The following PARD3B variants were observed in gnomAD, a reference collection of about 807,000 sequenced individuals.
The protein encoded by PARD3B is partitioning defective 3 homolog B.
Under a neutral mutation model 130.2 loss-of-function variants are expected in PARD3B, and 103 were observed. The ratio of observed to expected loss-of-function variants is 0.79; its 90% CI spans 0.67 to 0.93. The LOEUF is 0.93. Ranked by LOEUF, PARD3B falls within the 40% of genes least tolerant of loss-of-function variation. PARD3B has a pLI of 0.00. For synonymous variants in PARD3B, 583 were observed against 553.2 expected (o/e 1.05, Z -0.76); for missense variants, 1,609 against 1,499.2 (o/e 1.07, Z -1.21).
At chr2:205,165,794 G>A (rs2034780510) in intron 11 of PARD3B, among the ~76,000 whole-genome samples, 1 of 151,930 alleles carries the variant, frequency 6.6e-6, no homozygotes, top group Admixed American at 6.6e-5. Context: ...GCCCACAGGT[G>A]ATTTGCTGCT....
chr2:205,397,532 T>C lies in PARD3B; in HGVS notation c.2631-3481T>C, dbSNP rs530521495. On this transcript the variant is annotated intron_variant, in intron 18 of 22. Coordinates refer to ENST00000406610, the MANE Select transcript of PARD3B (RefSeq NM_001302769.2). The surrounding 1 kb of genome is among the most constrained non-coding windows in gnomAD (Gnocchi z 4.8). ...AGCTACCAGAAACAAAAATAATTTA[T>C]TGGGTGTGGTAATAAACATCAAGGT... is the stretch of plus-strand genomic sequence containing the variant. Among the ~76,000 whole-genome samples, 30 of 152,304 alleles carry C rather than the reference T, an allele frequency of 2.0e-4. No homozygotes were observed. In the South Asian group the frequency reaches 6.2e-3, roughly 32 times the overall value.
In PARD3B at chr2:204,975,856, GA is replaced by G. The variant is rs540872754; in HGVS notation, c.394+10537del. ...GAGAAGGAGCAACTTGGCCATCTTGGAAAATGGTCTTTGAGAAGTTTGGAGA... is the reference window on the plus strand; with the variant it reads ...GAGAAGGAGCAACTTGGCCATCTTGGAAATGGTCTTTGAGAAGTTTGGAGA... On this transcript the variant is annotated intron_variant, in intron 3 of 22. Transcript: ENST00000406610. Among the ~76,000 whole-genome samples the G allele has an allele frequency of 2.3e-4, 35 of 152,288 alleles. 1 individual carries two copies. Among genetic ancestry groups the G allele is most frequent in the Middle Eastern group, 6.8e-3 (2 of 294 alleles).
At position 205,589,590 on chromosome 2, in the gene PARD3B, G is replaced by A. The variant is rs919883183; in HGVS notation, c.3261-25866G>A. 1.3e-5 allele frequency among the ~76,000 whole-genome samples: 2 copies of A among 152,110 alleles called. No homozygotes were observed. The highest frequency in any genetic ancestry group is 3.9e-4 in the East Asian group (2 of 5,184). On this transcript the variant is annotated intron_variant, in intron 22 of 22. Coordinates refer to ENST00000406610, the MANE Select transcript of PARD3B (RefSeq NM_001302769.2). The surrounding 1 kb of genome is among the most constrained non-coding windows in gnomAD (Gnocchi z 4.1). The stretch of plus-strand genomic sequence containing the variant: ...TACCTTCCTTTTTATTTACTCCCTT[G>A]GGTCTGAGCAGGCAAGACTTGTCTT...
intron 19 of PARD3B, among the ~76,000 whole-genome samples, chr2:205,419,757 C>A (rs2046903489): frequency 6.6e-6 from 1 of 152,148 alleles, no homozygotes; most frequent in Admixed American, 6.5e-5. Context: ...CTTCCCAGTG[C>A]CAGGCACATA....
rs559742651 is a variant in PARD3B, at chr2:204,974,308, A to G, written c.394+8985A>G. Among the ~76,000 whole-genome samples, 8 of 152,222 alleles carry G rather than the reference A, an allele frequency of 5.3e-5. No homozygotes were observed. The East Asian group carries it at 1.5e-3, about 29-fold the overall frequency. On this transcript the variant is annotated intron_variant, in intron 3 of 22. Coordinates refer to ENST00000406610, the MANE Select transcript of PARD3B (RefSeq NM_001302769.2). The stretch of plus-strand genomic sequence containing the variant: ...AGACTTGACTATGGTTATGTAATGT[A>G]TGTTTGTAGAATACGGTGTGATCGG...
chr2:205,069,348 TA>T (rs1208930771), intron 4 of PARD3B, among the ~76,000 whole-genome samples: 3 of 152,100 alleles, frequency 2.0e-5, no homozygotes, highest in Admixed American at 6.6e-5. Context: ...ATGTCTGTTA[TA>T]AGGGGCATAT....
intron 3 of PARD3B, among the ~76,000 whole-genome samples, chr2:204,996,340 G>C (rs1041320449): frequency 6.6e-6 from 1 of 151,910 alleles, no homozygotes; most frequent in Non-Finnish European, 1.5e-5. Context: ...ATACCCTCCC[G>C]TGTGAGGTGT....
chr2:205,145,424 A>G (rs563090449), intron 10 of PARD3B, among the ~76,000 whole-genome samples: 10 of 152,364 alleles, frequency 6.6e-5, no homozygotes, highest in Non-Finnish European at 1.0e-4. Flanking sequence ...AAATTTCAGA[A>G]CGTACCTGCT....
At chr2:205,220,720 C>T (rs753364629) in intron 15 of PARD3B, among the ~76,000 whole-genome samples, 14 of 152,024 alleles carry the variant, frequency 9.2e-5, no homozygotes, top group South Asian at 2.1e-4. Flanking sequence ...CATAGGGTGG[C>T]GATGGGAGGA....
At chr2:205,484,031 G>A (rs535596961) in intron 20 of PARD3B, among the ~76,000 whole-genome samples, 2 of 152,092 alleles carry the variant, frequency 1.3e-5, no homozygotes, top group Non-Finnish European at 2.9e-5. Context: ...TGACATCTGA[G>A]TGACTACACT....
rs537724862 is a variant in PARD3B, at chr2:205,026,299, G to T, written c.395-21282G>T. ...GAAAGATAGAGAGCCAAGGAGGCCA[G>T]GGTGGCTGCAGTGTAGTGGGTGGGC... is the stretch of plus-strand genomic sequence containing the variant. On this transcript the variant is annotated intron_variant, in intron 3 of 22. Transcript: ENST00000406610. Among the ~76,000 whole-genome samples the T allele has an allele frequency of 5.3e-5, 8 of 152,324 alleles. No individual in the cohort carries two copies. In the South Asian group the frequency reaches 1.7e-3, roughly 32 times the overall value.
chr2:205,117,916 T>TAC (rs745919031), intron 6 of PARD3B, among the ~76,000 whole-genome samples: 493 of 20,428 alleles, frequency 0.024, no homozygotes, highest in Admixed American at 0.045. Context: ...TGTATGTGTG[T>TAC]ACACACACAC....
intron 1 of PARD3B, among the ~76,000 whole-genome samples, chr2:204,599,219 T>C (rs2033414649): frequency 6.6e-6 from 1 of 151,982 alleles, no homozygotes; most frequent in Non-Finnish European, 1.5e-5. Flanking sequence ...CTTTTCTAGC[T>C]ATTTGAAAAT....
intron 2 of PARD3B, among the ~76,000 whole-genome samples, chr2:204,710,399 C>T (rs896262734): frequency 2.6e-5 from 4 of 152,184 alleles, no homozygotes; most frequent in Admixed American, 6.5e-5. Context: ...TGTTAAAGTA[C>T]GTTTAAATTC....
rs2047048145 is a variant in PARD3B at position 204,906,507 on chromosome 2, G to A, written c.223-58645G>A. ...GCAGTAGACCTTATTATTAACTAGA[G>A]AACACATGGTGTTTGGACTGTTATT... On this transcript the variant is annotated intron_variant, in intron 2 of 22. Coordinates refer to ENST00000406610, the MANE Select transcript of PARD3B (RefSeq NM_001302769.2). This position sits in a 1 kb window ranked among gnomAD's most constrained non-coding sequence, Gnocchi z 4.3. Among the ~76,000 whole-genome samples, 1 of 152,168 alleles carries A rather than the reference G, an allele frequency of 6.6e-6. No individual in the cohort carries two copies. The highest frequency in any genetic ancestry group is 1.5e-5 in the Non-Finnish European group (1 of 68,026).
In PARD3B at chr2:205,280,624, G is replaced by A. The variant is rs2041152029; in HGVS notation, c.2186-19906G>A. ...CTGTTGTCTCCCCAGATCAAGCTGT[G>A]TTTGTCTTATTTGTACATTTATAGT... On this transcript the variant is annotated intron_variant, in intron 16 of 22. Coordinates refer to ENST00000406610, the MANE Select transcript of PARD3B (RefSeq NM_001302769.2). The surrounding 1 kb of genome is among the most constrained non-coding windows in gnomAD (Gnocchi z 4.7). 1.3e-5 allele frequency among the ~76,000 whole-genome samples: 2 copies of A among 152,292 alleles called. No homozygotes were observed. The highest frequency in any genetic ancestry group is 4.8e-5 in the African/African-American group (2 of 41,554).
intron 1 of PARD3B, among the ~76,000 whole-genome samples, chr2:204,627,175 G>A (rs936095365): frequency 6.6e-6 from 1 of 152,078 alleles, no homozygotes; most frequent in Non-Finnish European, 1.5e-5. Flanking sequence ...GCTTCCCAAG[G>A]CATGCAGAAC....
chr2:205,015,909 G>GC lies in PARD3B; in HGVS notation c.395-31670dup, dbSNP rs1696111236. 6.6e-6 allele frequency among the ~76,000 whole-genome samples: 1 copy of GC among 152,092 alleles called. No individual in the cohort carries two copies. Among genetic ancestry groups the GC allele is most frequent in the East Asian group, 1.9e-4 (1 of 5,182 alleles). ...GCTGATGTCTGAAACCTGCAGCCTT[G>GC]CCTGCCTACCTAGACCGTTTCTGCA... On this transcript the variant is annotated intron_variant, in intron 3 of 22. Coordinates refer to ENST00000406610, the MANE Select transcript of PARD3B (RefSeq NM_001302769.2). This position sits in a 1 kb window ranked among gnomAD's most constrained non-coding sequence, Gnocchi z 4.5.
chr2:205,392,128 C>A (rs545341921), intron 18 of PARD3B, among the ~76,000 whole-genome samples: 13 of 152,270 alleles, frequency 8.5e-5, no homozygotes, highest in African/African-American at 2.9e-4. Context: ...CCTAGCCCCT[C>A]GGTATGGGGA....
Sources: gnomAD v4.1 joint callset for allele counts (sites outside exome capture counted in the v4.1 genomes callset) on GRCh38, gnomAD v4.1.1 for gene constraint, Gnocchi (gnomAD v3.1) non-coding constraint, MANE v1.5 for transcripts, NCBI Gene and HGNC (gene_info 2026-07-23, HGNC 2026-07-21) for gene names.